Variants in THSD4 observed in about 807,000 individuals in gnomAD.
The protein encoded by THSD4 is thrombospondin type 1 domain containing 4, also known as thrombospondin type-1 domain-containing protein 4.
THSD4 carries 69 observed loss-of-function variants against 119.0 expected under a neutral mutation model. The observed-to-expected ratio is 0.58, with a 90% CI of 0.48 to 0.71. THSD4 has a LOEUF of 0.71. Ranked by LOEUF, THSD4 falls within the 30% of genes least tolerant of loss-of-function variation. THSD4 has a pLI of 0.00. For missense variants in THSD4, 1,393 were observed against 1,391.1 expected (o/e 1.00, Z -0.02); for synonymous variants, 524 against 540.4 (o/e 0.97, Z 0.42).
At chr15:71,621,231 C>T (rs2050413421) in intron 7 of THSD4, among the ~76,000 whole-genome samples, 1 of 152,110 alleles carries the variant, frequency 6.6e-6, no homozygotes. Context: ...AATAAAAATA[C>T]TACTTAATTA....
chr15:71,180,260 T>C (rs1000556395), intron 3 of THSD4, among the ~76,000 whole-genome samples: 1 of 150,832 alleles, frequency 6.6e-6, no homozygotes, highest in African/African-American at 2.4e-5. Context: ...TGATAAGGGA[T>C]TGATATCCAG....
At chr15:71,119,336 G>A (rs896418224) in intron 1 of THSD4, among the ~76,000 whole-genome samples, 2 of 152,192 alleles carry the variant, frequency 1.3e-5, no homozygotes, top group Non-Finnish European at 2.9e-5. Context: ...GAGAACTGGC[G>A]TTTTTAAGAT....
At chr15:71,554,743 A>C (rs1279696201) in intron 7 of THSD4, among the ~76,000 whole-genome samples, 2 of 146,984 alleles carry the variant, frequency 1.4e-5, no homozygotes, top group African/African-American at 5.1e-5. Context: ...TTTTTTTTTG[A>C]AGGTTTATTG....
intron 7 of THSD4, among the ~76,000 whole-genome samples, chr15:71,549,128 C>G (rs1379170183): frequency 6.6e-6 from 1 of 152,218 alleles, no homozygotes; most frequent in Non-Finnish European, 1.5e-5. Flanking sequence ...TCACCCAAAT[C>G]TTGGTGCTTT....
At chr15:71,278,051 G>A (rs781581613) in intron 6 of THSD4, among the ~76,000 whole-genome samples, 10 of 152,276 alleles carry the variant, frequency 6.6e-5, no homozygotes, top group East Asian at 1.9e-4. Flanking sequence ...CCAGCACTCC[G>A]CCTTGTGAGG....
rs538683272 is a variant in THSD4 at position 71,470,635 on chromosome 15, T to A, written c.1152+58812T>A. The stretch of plus-strand genomic sequence containing the variant: ...ATGGCTGAGTGAGGATTTTATTATT[T>A]TTTTTTTTTTTGAGACGGAGTCTCG... On this transcript the variant is annotated intron_variant, in intron 7 of 17. Transcript: ENST00000261862. Among the ~76,000 whole-genome samples the A allele has an allele frequency of 2.3e-4, 34 of 149,650 alleles. 1 individual carries two copies. Among genetic ancestry groups the A allele is most frequent in the South Asian group, 1.4e-3 (6 of 4,262 alleles).
At chr15:71,336,908 CTT>C (rs1202625499) in intron 6 of THSD4, among the ~76,000 whole-genome samples, 6 of 152,162 alleles carry the variant, frequency 3.9e-5, no homozygotes, top group Non-Finnish European at 8.8e-5. Context: ...CTGAAGGTAA[CTT>C]TGATCACATT....
intron 7 of THSD4, among the ~76,000 whole-genome samples, chr15:71,413,668 A>T (rs1056016993): frequency 6.6e-6 from 1 of 152,214 alleles, no homozygotes; most frequent in Non-Finnish European, 1.5e-5. Context: ...TAAGAAAGGA[A>T]CAAGGTGTCA....
upstream of THSD4, chr15:71,113,707 G>A (rs1486624048): frequency 6.6e-6 from 1 of 152,216 alleles, no homozygotes; most frequent in Non-Finnish European, 1.5e-5. Flanking sequence ...AGAATGGAAA[G>A]TTTTCTTCCT....
At chr15:71,168,321 C>G (rs1208708731) in intron 3 of THSD4, among the ~76,000 whole-genome samples, 1 of 152,166 alleles carries the variant, frequency 6.6e-6, no homozygotes, top group Admixed American at 6.5e-5. Context: ...TTTTACAAGT[C>G]ATAATGTGTA....
At chr15:71,638,624 C>T (rs1375067271) in intron 7 of THSD4, among the ~76,000 whole-genome samples, 2 of 152,086 alleles carry the variant, frequency 1.3e-5, no homozygotes, top group African/African-American at 4.8e-5. Context: ...GAAGACATAT[C>T]AGTGCAACAG....
chr15:71,365,578 T>C lies in THSD4; in HGVS notation c.1016-46109T>C, dbSNP rs562572750. On this transcript the variant is annotated intron_variant, in intron 6 of 17. Coordinates refer to ENST00000261862, the MANE Select transcript of THSD4 (RefSeq NM_024817.3). ...GGGACAAGGAAGAGGTTTTATGAAA[T>C]GAAAGGAGGTCTGTTCTGTTCTCTT... 2.6e-5 allele frequency among the ~76,000 whole-genome samples: 4 copies of C among 152,206 alleles called. No individual in the cohort carries two copies. In the East Asian group the frequency reaches 7.7e-4, roughly 29 times the overall value.
chr15:71,311,507 A>G (rs2045110175), intron 6 of THSD4, among the ~76,000 whole-genome samples: 1 of 152,148 alleles, frequency 6.6e-6, no homozygotes, highest in South Asian at 2.1e-4. Context: ...TAATTAGAAG[A>G]GTGCTGTGCT....
chr15:71,405,954 A>T (rs745878185), intron 6 of THSD4, among the ~76,000 whole-genome samples: 5 of 152,076 alleles, frequency 3.3e-5, no homozygotes, highest in Non-Finnish European at 7.4e-5. Context: ...ATTGATAGTA[A>T]ATAGAAATAC....
At chr15:71,101,724 T>TG (rs879606227) in intron 1 of THSD4, among the ~76,000 whole-genome samples, 1 of 151,890 alleles carries the variant, frequency 6.6e-6, no homozygotes, top group Non-Finnish European at 1.5e-5. Flanking sequence ...TTTTTATTTT[T>TG]TTTTTTTGAG....
intron 8 of THSD4, among the ~76,000 whole-genome samples, chr15:71,707,035 A>C (rs2052406090): frequency 2.0e-5 from 3 of 152,120 alleles, no homozygotes; most frequent in African/African-American, 7.2e-5. Flanking sequence ...GTTAAGGTCA[A>C]GGGTGTGGCC....
chr15:71,125,864 C>G (rs1336409382), intron 1 of THSD4, among the ~76,000 whole-genome samples: 1 of 152,192 alleles, frequency 6.6e-6, no homozygotes, highest in Non-Finnish European at 1.5e-5. Flanking sequence ...GATGGGAGAC[C>G]CGTCTTAAGT....
chr15:71,552,541 TA>T, intron 7 of THSD4, among the ~76,000 whole-genome samples: 1 of 152,368 alleles, frequency 6.6e-6, no homozygotes, highest in Middle Eastern at 3.4e-3. Flanking sequence ...GTATCTAAAA[TA>T]GCCAGTCAGC....
chr15:71,243,781 C>CT (rs34842560), intron 5 of THSD4, among the ~76,000 whole-genome samples: 44,424 of 104,984 alleles, frequency 0.42, 11,813 homozygotes, highest in East Asian at 0.66. Context: ...GTGCTCAGCA[C>CT]TTTTTTTTTT....
Sources: gnomAD v4.1 joint callset for allele counts (sites outside exome capture counted in the v4.1 genomes callset) on GRCh38, gnomAD v4.1.1 for gene constraint, MANE v1.5 for transcripts, NCBI Gene and HGNC (gene_info 2026-07-23, HGNC 2026-07-21) for gene names.